SLC4A10: variants seen among roughly 807,000 people sequenced by gnomAD.
SLC4A10 encodes sodium-driven chloride bicarbonate exchanger.
Under a neutral mutation model 137.7 loss-of-function variants are expected in SLC4A10, and 42 were observed. The ratio of observed to expected loss-of-function variants is 0.30; its 90% confidence interval spans 0.24 to 0.39. The LOEUF (loss-of-function observed/expected upper bound fraction) is 0.39, where lower values mean the gene tolerates loss of function less well. SLC4A10 is among the 10% of genes least tolerant of loss of function. SLC4A10 has a pLI of 1.00. For missense variants in SLC4A10, 925 were observed against 1,355.0 expected, an observed-to-expected ratio of 0.68 and a Z score of 4.98; for synonymous variants, 474 against 464.1, an observed-to-expected ratio of 1.02 and a Z score of -0.27.
chr2:161,916,418 A>G (rs905513324), intron 15 of SLC4A10, among the ~76,000 whole-genome samples: 1 of 152,274 alleles, frequency 6.6e-6, no homozygotes, highest in African/African-American at 2.4e-5. Context: ...TCTTGTCTAG[A>G]TTATTGCAAT....
chr2:161,970,648 T>G (rs912019425), intron 23 of SLC4A10, among the ~76,000 whole-genome samples: 2 of 152,228 alleles, frequency 1.3e-5, no homozygotes, highest in Non-Finnish European at 2.9e-5. Context: ...TTTAAGATAT[T>G]TGAGGGCTCC....
chr2:161,824,577 A>T (rs2057887761), intron 3 of SLC4A10, among the ~76,000 whole-genome samples: 1 of 152,176 alleles, frequency 6.6e-6, no homozygotes, highest in South Asian at 2.1e-4. Context: ...ATAGAAGATG[A>T]CTCGATGAAG....
intron 23 of SLC4A10, among the ~76,000 whole-genome samples, chr2:161,967,636 A>G (rs1048454182): frequency 6.6e-6 from 1 of 152,168 alleles, no homozygotes; most frequent in African/African-American, 2.4e-5. Flanking sequence ...AAATTTGGTA[A>G]TTCAATATCT....
chr2:161,842,199 A>G (rs1167189064), intron 4 of SLC4A10, among the ~76,000 whole-genome samples: 4 of 152,156 alleles, frequency 2.6e-5, no homozygotes, highest in Non-Finnish European at 5.9e-5. Context: ...TGAATTTCTA[A>G]CAATGGCAAC....
chr2:161,941,182 A>G (rs543144992), intron 15 of SLC4A10, among the ~76,000 whole-genome samples: 4 of 152,336 alleles, frequency 2.6e-5, no homozygotes, highest in African/African-American at 7.2e-5. Flanking sequence ...TCTCCTTTTC[A>G]ACATTTCACC....
chr2:161,705,552 T>C (rs1574467000), intron 1 of SLC4A10, among the ~76,000 whole-genome samples: 1 of 151,656 alleles, frequency 6.6e-6, no homozygotes, highest in Admixed American at 6.6e-5. Context: ...TGTTCTTGCA[T>C]CTCCAAAGTT....
intron 2 of SLC4A10, among the ~76,000 whole-genome samples, chr2:161,781,624 C>T (rs545582907): frequency 5.9e-5 from 9 of 151,964 alleles, no homozygotes; most frequent in African/African-American, 2.2e-4. Context: ...AGGTGAGAAC[C>T]ATTGCTTGAA....
chr2:161,864,143 A>C (rs1395310531), intron 6 of SLC4A10, among the ~76,000 whole-genome samples: 1 of 152,106 alleles, frequency 6.6e-6, no homozygotes, highest in Non-Finnish European at 1.5e-5. Context: ...CGGAGATTGC[A>C]GTGAGCCGAG....
chr2:161,639,949 C>G (rs1212806507), intron 1 of SLC4A10, among the ~76,000 whole-genome samples: 1 of 152,046 alleles, frequency 6.6e-6, no homozygotes, highest in Non-Finnish European at 1.5e-5. Flanking sequence ...GTACAAAATG[C>G]TAATTAGTAG....
At chr2:161,719,094 C>A (rs2045312370) in intron 1 of SLC4A10, among the ~76,000 whole-genome samples, 1 of 152,014 alleles carries the variant, frequency 6.6e-6, no homozygotes, top group Non-Finnish European at 1.5e-5. Context: ...TGATGTTCCC[C>A]TTCTTGTGTC....
intron 2 of SLC4A10, among the ~76,000 whole-genome samples, chr2:161,793,078 A>G (rs909832881): frequency 6.6e-6 from 1 of 152,124 alleles, no homozygotes; most frequent in African/African-American, 2.4e-5. Context: ...TTCTGAGATT[A>G]CTATTTTGAA....
At chr2:161,625,707 A>T (rs890987490) in intron 1 of SLC4A10, among the ~76,000 whole-genome samples, 2 of 152,038 alleles carry the variant, frequency 1.3e-5, no homozygotes, top group Non-Finnish European at 2.9e-5. Flanking sequence ...CCGGGCTCAC[A>T]TGCTGCAAAA....
rs1412871926 is a variant in SLC4A10, at chr2:161,873,997, G to A, written c.940G>A (p.Glu314Lys). 4 of 1,588,180 alleles carry A rather than the reference G, an allele frequency of 2.5e-6. No individual in the cohort carries two copies. The highest frequency in any genetic ancestry group is 2.6e-6 in the Non-Finnish European group (3 of 1,174,646). The change falls in exon 8 of 27, where the codon GAG (glutamate) becomes AAG (lysine). Residue 314 changes from glutamate to lysine, a missense_variant. Physicochemically the swap from Glu to Lys is moderately conservative, Grantham distance 56 (BLOSUM62 1). This residue lies in a region of SLC4A10 where 277 missense variants were observed against 306.1 expected (regional missense o/e 0.90). Coordinates refer to ENST00000446997, the MANE Select transcript of SLC4A10 (RefSeq NM_001178015.2). ...TGAAAAAGGACCTCCACACCAGCAA[G>A]AGAGAGAGGTGAGGGCATACTCGGG... ...RHEKGPPHQQ[E>K]REVDLHFMKK...
At position 161,836,671 on chromosome 2, in the gene SLC4A10, T is replaced by G. The variant is rs573325013; in HGVS notation, c.278-3118T>G. The stretch of plus-strand genomic sequence containing the variant: ...AATTTCTGGAAAAAAAAAAACCCCA[T>G]AAACTTACACATTGAAGAAGCTCAG... On this transcript the variant is annotated intron_variant, in intron 3 of 26. Coordinates refer to ENST00000446997, the MANE Select transcript of SLC4A10 (RefSeq NM_001178015.2). Among the ~76,000 whole-genome samples the G allele has an allele frequency of 9.2e-5, 13 of 141,460 alleles. No homozygotes were observed. The East Asian group carries it at 2.7e-3, about 30-fold the overall frequency. 92.8% of individuals were successfully genotyped at this position (141,460 alleles called of 152,430 possible). A position where few individuals can be genotyped will look rare whatever the true frequency, so the allele number is the denominator to read the frequency against.
At chr2:161,879,986 G>A (rs1305631385) in intron 9 of SLC4A10, among the ~76,000 whole-genome samples, 2 of 151,476 alleles carry the variant, frequency 1.3e-5, no homozygotes, top group African/African-American at 2.4e-5. Flanking sequence ...TACTAAAACT[G>A]TAAAAAAAAG....
chr2:161,935,812 C>T (rs1167516691), intron 15 of SLC4A10, among the ~76,000 whole-genome samples: 1 of 152,054 alleles, frequency 6.6e-6, no homozygotes. Context: ...ACTAGAACTT[C>T]CAGTACAATG....
rs113226667 is a variant in SLC4A10, at chr2:161,908,915, G to A, written c.1997+3028G>A. On this transcript the variant is annotated intron_variant, in intron 15 of 26. Transcript: ENST00000446997. ...GAGTCAAAAAATGATAAGATCAAGG[G>A]ATTAAGTAAGACAAATGCTCAAAGG... Among the ~76,000 whole-genome samples the A allele has an allele frequency of 1.5e-3, 229 of 152,038 alleles. 2 individuals carry two copies. The highest frequency in any genetic ancestry group is 4.6e-3 in the South Asian group (22 of 4,806).
chr2:161,974,185 C>T, intron 23 of SLC4A10, 64 bp from the exon 24 acceptor site: 2 of 1,331,904 alleles, frequency 1.5e-6, no homozygotes, highest in South Asian at 2.7e-5. Context: ...ATCTGTGTTT[C>T]TTCTTTAATG....
At chr2:161,680,245 G>A (rs767566119) in intron 1 of SLC4A10, among the ~76,000 whole-genome samples, 8 of 152,072 alleles carry the variant, frequency 5.3e-5, no homozygotes, top group Non-Finnish European at 8.8e-5. Context: ...CTTATTAAGG[G>A]CAAGGTTGCT....
Sources: gnomAD v4.1 joint callset for allele counts (sites outside exome capture counted in the v4.1 genomes callset) on GRCh38, gnomAD v4.1.1 for gene constraint, gnomAD v4.1.1 regional missense constraint, MANE v1.5 for transcripts, NCBI Gene and HGNC (gene_info 2026-07-23, HGNC 2026-07-21) for gene names.